The following AGAP1 variants were observed in gnomAD, a reference collection of about 807,000 sequenced individuals.
The protein encoded by AGAP1 is arf-GAP with GTPase, ANK repeat and PH domain-containing protein 1.
AGAP1 carries 29 observed loss-of-function variants against 105.3 expected under a neutral mutation model. The observed-to-expected ratio is 0.28, with a 90% confidence interval of 0.21 to 0.38. AGAP1 has a LOEUF of 0.38. Among genes scored for constraint, AGAP1 ranks in the 10% least tolerant of loss-of-function variants. The probability of loss-of-function intolerance (pLI) is 1.00; values close to 1 mark genes in which losing one functional copy is unlikely to be tolerated. For missense variants in AGAP1, 998 were observed against 1,165.1 expected (o/e 0.86, Z 2.09); for synonymous variants, 509 against 485.9 (o/e 1.05, Z -0.63).
In AGAP1 at chr2:235,891,607, G is replaced by A. The variant is rs1490907721; in HGVS notation, c.1155+8158G>A. Among the ~76,000 whole-genome samples, 1 of 152,174 alleles carries A rather than the reference G, an allele frequency of 6.6e-6. No homozygotes were observed. The highest frequency in any genetic ancestry group is 1.9e-4 in the East Asian group (1 of 5,184). ...TATTCATCTTCCATGTCGCAAGCAC[G>A]GCCGTCGAGTGCAAGGCTGCAATTC... On this transcript the variant is annotated intron_variant, in intron 10 of 17. Transcript: ENST00000304032. The surrounding 1 kb of genome is among the most constrained non-coding windows in gnomAD (Gnocchi z 4.2).
rs1193311004 is a variant in AGAP1 at position 235,639,631 on chromosome 2, C to T, written c.164-69548C>T. Among the ~76,000 whole-genome samples the T allele has an allele frequency of 1.3e-5, 2 of 152,112 alleles. No individual in the cohort carries two copies. Among genetic ancestry groups the T allele is most frequent in the Non-Finnish European group, 2.9e-5 (2 of 68,026 alleles). ...CAAGCTGCCTGCTGTGTTTCTGGTG[C>T]CCAAATGTTCTGGGCACACTGTTGT... On this transcript the variant is annotated intron_variant, in intron 1 of 17. Coordinates refer to ENST00000304032, the MANE Select transcript of AGAP1 (RefSeq NM_001037131.3). The surrounding 1 kb of genome is among the most constrained non-coding windows in gnomAD (Gnocchi z 5.3).
chr2:235,835,412 G>T lies in AGAP1; in HGVS notation c.1050+28081G>T, dbSNP rs571981286. On this transcript the variant is annotated intron_variant, in intron 9 of 17. Coordinates refer to ENST00000304032, the MANE Select transcript of AGAP1 (RefSeq NM_001037131.3). ...CCTGGCAGAGAGGCTCCTCAGCTTG[G>T]AGCGTTTTTCTTCCTTCATCTACGT... 1.5e-4 allele frequency among the ~76,000 whole-genome samples: 23 copies of T among 152,310 alleles called. 1 individual carries two copies. The South Asian group carries it at 3.7e-3, about 25-fold the overall frequency.
In AGAP1 at chr2:235,959,768, C is replaced by G. The variant is rs1174364167; in HGVS notation, c.1484-8694C>G. Among the ~76,000 whole-genome samples the G allele has an allele frequency of 6.6e-6, 1 of 152,208 alleles. No individual in the cohort carries two copies. Among genetic ancestry groups the G allele is most frequent in the Non-Finnish European group, 1.5e-5 (1 of 68,046 alleles). ...CCCTCCCACAGGCAAGCATCTGGAACTAGCACCAGAGCTTCCTCCTGTCAA... is the reference window on the plus strand; with the variant it reads ...CCCTCCCACAGGCAAGCATCTGGAAGTAGCACCAGAGCTTCCTCCTGTCAA... On this transcript the variant is annotated intron_variant, in intron 12 of 17. Transcript: ENST00000304032. This position sits in a 1 kb window ranked among gnomAD's most constrained non-coding sequence, Gnocchi z 7.3.
intron 2 of AGAP1, among the ~76,000 whole-genome samples, chr2:235,715,482 A>G (rs1385975072): frequency 2.0e-5 from 3 of 152,154 alleles, no homozygotes; most frequent in Non-Finnish European, 4.4e-5. Context: ...AGGGGTGCTC[A>G]GGTGACAGGA....
chr2:235,932,830 C>T (rs867703676), intron 12 of AGAP1, among the ~76,000 whole-genome samples: 9 of 152,196 alleles, frequency 5.9e-5, no homozygotes, highest in African/African-American at 9.7e-5. Context: ...CCAGAGCCTC[C>T]GTTTGGTTGG....
intron 9 of AGAP1, among the ~76,000 whole-genome samples, chr2:235,863,949 T>C (rs891020744): frequency 6.6e-6 from 1 of 152,206 alleles, no homozygotes; most frequent in Non-Finnish European, 1.5e-5. Context: ...ACTTTCTGTA[T>C]TTAAAAGTGT....
At position 235,517,219 on chromosome 2, in the gene AGAP1, A is replaced by G. The variant is rs1345774824; in HGVS notation, c.163+22370A>G. ...CTCAGGAGGACACCAGTCTTGTTGG[A>G]TGAGGGTCCCACCCTTAAGCTGCCA... On this transcript the variant is annotated intron_variant, in intron 1 of 17. Coordinates refer to ENST00000304032, the MANE Select transcript of AGAP1 (RefSeq NM_001037131.3). The surrounding 1 kb of genome is among the most constrained non-coding windows in gnomAD (Gnocchi z 4.1). 6.6e-6 allele frequency among the ~76,000 whole-genome samples: 1 copy of G among 152,118 alleles called. No homozygotes were observed. Among genetic ancestry groups the G allele is most frequent in the Non-Finnish European group, 1.5e-5 (1 of 68,022 alleles).
chr2:235,833,778 A>G (rs1056985109), intron 9 of AGAP1, among the ~76,000 whole-genome samples: 7 of 151,890 alleles, frequency 4.6e-5, no homozygotes, highest in African/African-American at 1.7e-4. Flanking sequence ...GTGCATGTTT[A>G]TGAATACATG....
In AGAP1 at chr2:235,830,945, T is replaced by C. The variant is rs1005971980; in HGVS notation, c.1050+23614T>C. 1.3e-5 allele frequency among the ~76,000 whole-genome samples: 2 copies of C among 152,260 alleles called. No homozygotes were observed. The highest frequency in any genetic ancestry group is 1.5e-5 in the Non-Finnish European group (1 of 68,014). On this transcript the variant is annotated intron_variant, in intron 9 of 17. Transcript: ENST00000304032. This position sits in a 1 kb window ranked among gnomAD's most constrained non-coding sequence, Gnocchi z 5.5. ...ATGGTGGGGACTCCTGTGAGAATGC[T>C]GATGGGTGCCGCCTCCTCACCTGTG...
chr2:235,670,447 A>G (rs2149357022), intron 1 of AGAP1: 1 of 542,582 alleles, frequency 1.8e-6, no homozygotes, highest in Non-Finnish European at 3.3e-6. Context: ...GCGGCCTGGA[A>G]CCCGCGGACC....
In AGAP1 at chr2:235,608,483, G is replaced by T. The variant is rs1274400670; in HGVS notation, c.164-100696G>T. On this transcript the variant is annotated intron_variant, in intron 1 of 17. Transcript: ENST00000304032. This position sits in a 1 kb window ranked among gnomAD's most constrained non-coding sequence, Gnocchi z 5.4. ...CAGGGAAGGGGGTGGTCAGGCCCTG[G>T]GTCCCATGTTGGCAGCCTCCCTGGC... Among the ~76,000 whole-genome samples the T allele has an allele frequency of 6.6e-6, 1 of 152,136 alleles. No individual in the cohort carries two copies. The highest frequency in any genetic ancestry group is 1.9e-4 in the East Asian group (1 of 5,180).
intron 13 of AGAP1, among the ~76,000 whole-genome samples, chr2:236,032,754 A>C (rs888184867): frequency 6.6e-6 from 1 of 152,116 alleles, no homozygotes; most frequent in Non-Finnish European, 1.5e-5. Context: ...TGAAGTTTGC[A>C]AGAGAGTGAG....
At position 236,062,811 on chromosome 2, in the gene AGAP1, G is replaced by A. The variant is rs1479269900; in HGVS notation, c.2114+13530G>A. On this transcript the variant is annotated intron_variant, in intron 16 of 17. Coordinates refer to ENST00000304032, the MANE Select transcript of AGAP1 (RefSeq NM_001037131.3). The surrounding 1 kb of genome is among the most constrained non-coding windows in gnomAD (Gnocchi z 4.2). ...CAAGTAGCTGGGATTACAGGCTCCC[G>A]CCACCTTACCCAGCTAATGTTTGTA... is the stretch of plus-strand genomic sequence containing the variant. Among the ~76,000 whole-genome samples, 5 of 151,894 alleles carry A rather than the reference G, an allele frequency of 3.3e-5. No homozygotes were observed. The highest frequency in any genetic ancestry group is 1.3e-4 in the Admixed American group (2 of 15,256).
rs1246502116 is a variant in AGAP1 at position 235,600,240 on chromosome 2, C to T, written c.163+105391C>T. Reference sequence around the variant, plus strand: ...ATGATCTAATTCGGATGATTTATGGCCTCTGTTTACCCCACAGACGATCAG... The same window carrying T: ...ATGATCTAATTCGGATGATTTATGGTCTCTGTTTACCCCACAGACGATCAG... On this transcript the variant is annotated intron_variant, in intron 1 of 17. Coordinates refer to ENST00000304032, the MANE Select transcript of AGAP1 (RefSeq NM_001037131.3). This position sits in a 1 kb window ranked among gnomAD's most constrained non-coding sequence, Gnocchi z 4.8. Among the ~76,000 whole-genome samples the T allele has an allele frequency of 1.3e-5, 2 of 152,156 alleles. No individual in the cohort carries two copies. The highest frequency in any genetic ancestry group is 2.9e-5 in the Non-Finnish European group (2 of 68,036).
rs1330964911 is a variant in AGAP1 at position 235,535,301 on chromosome 2, T to G, written c.163+40452T>G. Among the ~76,000 whole-genome samples, 1 of 152,120 alleles carries G rather than the reference T, an allele frequency of 6.6e-6. No homozygotes were observed. The highest frequency in any genetic ancestry group is 1.5e-5 in the Non-Finnish European group (1 of 68,030). ...TCTCTTTCAATGCGGGCGTGCGAAC[T>G]TCCAGGTAGAGCCGAGTTCAAGAAA... On this transcript the variant is annotated intron_variant, in intron 1 of 17. Coordinates refer to ENST00000304032, the MANE Select transcript of AGAP1 (RefSeq NM_001037131.3). This position sits in a 1 kb window ranked among gnomAD's most constrained non-coding sequence, Gnocchi z 5.1.
intron 1 of AGAP1, among the ~76,000 whole-genome samples, chr2:235,533,543 G>C (rs1469435840): frequency 6.6e-6 from 1 of 152,206 alleles, no homozygotes; most frequent in African/African-American, 2.4e-5. Context: ...TGCTTGGAAT[G>C]TTGAGCAAAA....
rs1167449953 is a variant in AGAP1 at position 235,792,714 on chromosome 2, C to G, written c.674-5045C>G. Reference sequence around the variant, plus strand: ...TTGTGCCATCGACTGAGCTAGAAAACAGACGAGAGGCAGGTCTGAGAGAGG... The same window carrying G: ...TTGTGCCATCGACTGAGCTAGAAAAGAGACGAGAGGCAGGTCTGAGAGAGG... On this transcript the variant is annotated intron_variant, in intron 6 of 17. Coordinates refer to ENST00000304032, the MANE Select transcript of AGAP1 (RefSeq NM_001037131.3). This position sits in a 1 kb window ranked among gnomAD's most constrained non-coding sequence, Gnocchi z 5.3. Among the ~76,000 whole-genome samples, 2 of 152,200 alleles carry G rather than the reference C, an allele frequency of 1.3e-5. No individual in the cohort carries two copies. The highest frequency in any genetic ancestry group is 2.9e-5 in the Non-Finnish European group (2 of 68,046).
At chr2:235,545,615 G>A (rs1943598649) in intron 1 of AGAP1, among the ~76,000 whole-genome samples, 1 of 152,218 alleles carries the variant, frequency 6.6e-6, no homozygotes, top group African/African-American at 2.4e-5. Flanking sequence ...ACTGCCCTTA[G>A]TGGAGTTCCT....
rs1293935408 is a variant in AGAP1 at position 235,867,373 on chromosome 2, G to C, written c.1051-15972G>C. ...TCCGATAAAACTTTATTTACAGAAAGAGGCAGAGGATCAGATTTGGCCGAC... is the reference window on the plus strand; with the variant it reads ...TCCGATAAAACTTTATTTACAGAAACAGGCAGAGGATCAGATTTGGCCGAC... On this transcript the variant is annotated intron_variant, in intron 9 of 17. Transcript: ENST00000304032. The surrounding 1 kb of genome is among the most constrained non-coding windows in gnomAD (Gnocchi z 5.4). Among the ~76,000 whole-genome samples the C allele has an allele frequency of 6.6e-6, 1 of 152,154 alleles. No homozygotes were observed. Among genetic ancestry groups the C allele is most frequent in the East Asian group, 1.9e-4 (1 of 5,190 alleles).
Sources: gnomAD v4.1 joint callset for allele counts (sites outside exome capture counted in the v4.1 genomes callset) on GRCh38, gnomAD v4.1.1 for gene constraint, Gnocchi (gnomAD v3.1) non-coding constraint, MANE v1.5 for transcripts, NCBI Gene and HGNC (gene_info 2026-07-23, HGNC 2026-07-21) for gene names.